Variants in LARGE1 observed in about 807,000 individuals in gnomAD.
LARGE1 encodes xylosyl- and glucuronyltransferase LARGE1.
LARGE1 carries 43 observed loss-of-function variants against 87.6 expected under a neutral mutation model. That is an observed-to-expected ratio of 0.49 (90% confidence interval 0.38 to 0.63). The LOEUF is 0.63. Among genes scored for constraint, LARGE1 ranks in the 30% least tolerant of loss-of-function variants. The pLI, the probability that LARGE1 is intolerant of heterozygous loss-of-function variation, is 0.00. For missense variants in LARGE1, 802 were observed against 1,000.2 expected (o/e 0.80, Z 2.67); for synonymous variants, 434 against 394.6 (o/e 1.10, Z -1.18).
intron 6 of LARGE1, among the ~76,000 whole-genome samples, chr22:33,517,283 T>C (rs1169712541): frequency 6.6e-6 from 1 of 152,120 alleles, no homozygotes. Flanking sequence ...CACACCCCTC[T>C]CTGTCCCATC....
At chr22:33,718,893 C>T (rs367672700) in intron 2 of LARGE1, among the ~76,000 whole-genome samples, 12 of 152,268 alleles carry the variant, frequency 7.9e-5, no homozygotes, top group South Asian at 6.2e-4. Context: ...CAGGTTCAAG[C>T]GATTCTCCTG....
the LARGE1 span, among the ~76,000 whole-genome samples, chr22:33,071,958 C>T: frequency 1.3e-5 from 2 of 152,182 alleles, no homozygotes; most frequent in African/African-American, 2.4e-5. Context: ...TACTACCCGG[C>T]CGTTTCTGAT....
intron 11 of LARGE1, among the ~76,000 whole-genome samples, chr22:33,195,529 C>T (rs73881991): frequency 0.03 from 4,590 of 151,750 alleles, 95 homozygotes; most frequent in Admixed American, 0.057. Context: ...AAAAGGGTAA[C>T]TAAGAAAACC....
At chr22:33,389,337 C>CT (rs1569119511) in intron 7 of LARGE1, among the ~76,000 whole-genome samples, 7 of 152,218 alleles carry the variant, frequency 4.6e-5, no homozygotes, top group Non-Finnish European at 1.0e-4. Flanking sequence ...ATTCTTAAAA[C>CT]CCACTGGGAG....
At chr22:33,146,817 T>C in the LARGE1 span, among the ~76,000 whole-genome samples, 3 of 152,152 alleles carry the variant, frequency 2.0e-5, no homozygotes, top group African/African-American at 7.2e-5. Flanking sequence ...TACTTACACA[T>C]ACAAGCATGG....
intron 2 of LARGE1, among the ~76,000 whole-genome samples, chr22:33,684,055 T>C (rs548417161): frequency 6.6e-6 from 1 of 152,308 alleles, no homozygotes; most frequent in South Asian, 2.1e-4. Context: ...TAAACCATTC[T>C]GAGATACTAA....
chr22:33,612,769 A>G (rs979229359), intron 4 of LARGE1, among the ~76,000 whole-genome samples: 1 of 152,260 alleles, frequency 6.6e-6, no homozygotes, highest in Non-Finnish European at 1.5e-5. Context: ...AGAAACAGCC[A>G]GACAAGGTTT....
intron 1 of LARGE1, among the ~76,000 whole-genome samples, chr22:33,913,309 G>A (rs1290606886): frequency 2.0e-5 from 3 of 152,212 alleles, no homozygotes; most frequent in African/African-American, 7.2e-5. Flanking sequence ...ATGTGCGGGT[G>A]GTTAAGGAAC....
chr22:33,913,220 A>G (rs2065688334), intron 1 of LARGE1, among the ~76,000 whole-genome samples: 1 of 152,246 alleles, frequency 6.6e-6, no homozygotes, highest in African/African-American at 2.4e-5. Context: ...CTGCAATTAT[A>G]AAAACTCAGA....
intron 2 of LARGE1, among the ~76,000 whole-genome samples, chr22:33,676,081 G>A (rs1348951270): frequency 6.6e-6 from 1 of 151,742 alleles, no homozygotes; most frequent in South Asian, 2.1e-4. Context: ...AGCACTAGCA[G>A]TACAAGTTGT....
chr22:33,098,068 A>G, the LARGE1 span, among the ~76,000 whole-genome samples: 1 of 152,224 alleles, frequency 6.6e-6, no homozygotes, highest in Admixed American at 6.5e-5. Context: ...ACAATTTGGG[A>G]GGCCAAGGCA....
chr22:33,166,750 A>T (rs772173500), exon 12 of LARGE1: 15 of 471,278 alleles, frequency 3.2e-5, no homozygotes. Context: ...AAGGAAGCCA[A>T]CGCCGAGGAC....
At chr22:33,103,770 T>C in the LARGE1 span, among the ~76,000 whole-genome samples, 4 of 152,346 alleles carry the variant, frequency 2.6e-5, no homozygotes, top group African/African-American at 9.6e-5. Context: ...CCAAATCTCA[T>C]CATGAATTGT....
rs533904822 is a variant in LARGE1 at position 33,279,713 on chromosome 22, A to T, written c.1878-2458T>A. 2.4e-3 allele frequency among the ~76,000 whole-genome samples: 366 copies of T among 152,364 alleles called. 3 individuals are homozygous for T. The highest frequency in any genetic ancestry group is 8.3e-3 in the African/African-American group (346 of 41,592). ...ATGCCATTTTCATGGAGTGTGGAAA[A>T]GGGATATTGCGGGAGATGTCAATTT... On this transcript the variant is annotated intron_variant, in intron 13 of 14. Coordinates refer to ENST00000397394, the MANE Select transcript of LARGE1 (RefSeq NM_133642.5).
intron 11 of LARGE1, among the ~76,000 whole-genome samples, chr22:33,247,735 G>A (rs376750599): frequency 6.6e-6 from 1 of 152,158 alleles, no homozygotes; most frequent in Non-Finnish European, 1.5e-5. Context: ...TTCCAATATT[G>A]ATGGGATAAA....
In LARGE1 at chr22:33,856,229, C is replaced by T. The variant is rs2063751600; in HGVS notation, c.-83+63766G>A. ...AACTGTGGCCATACCCGGACCAGTT[C>T]TCAGGGGGCCATGCTCCTCTGGAAA... On this transcript the variant is annotated intron_variant, in intron 1 of 14. Coordinates refer to ENST00000397394, the MANE Select transcript of LARGE1 (RefSeq NM_133642.5). Among the ~76,000 whole-genome samples, 2 of 152,172 alleles carry T rather than the reference C, an allele frequency of 1.3e-5. 1 individual carries two copies. The highest frequency in any genetic ancestry group is 4.1e-4 in the South Asian group (2 of 4,830).
rs146217691 is a variant in LARGE1, at chr22:33,540,565, A to C, written c.787+24283T>G. Among the ~76,000 whole-genome samples the C allele has an allele frequency of 2.4e-4, 37 of 152,288 alleles. 1 individual carries two copies. The highest frequency in any genetic ancestry group is 6.8e-3 in the Middle Eastern group (2 of 294). On this transcript the variant is annotated intron_variant, in intron 6 of 14. Transcript: ENST00000397394. ...CCCTGCCCCACTGCCCCCATGGCAA[A>C]ACAACCAAGACACAGTGTCTCTTTT...
At chr22:33,198,970 T>C (rs183320262) in intron 11 of LARGE1, among the ~76,000 whole-genome samples, 104 of 152,294 alleles carry the variant, frequency 6.8e-4, no homozygotes, top group African/African-American at 2.4e-3. Context: ...CAACAGTGTA[T>C]AAATATTCCC....
chr22:33,647,276 G>A (rs1247902390), intron 3 of LARGE1, among the ~76,000 whole-genome samples: 1 of 152,198 alleles, frequency 6.6e-6, no homozygotes, highest in Non-Finnish European at 1.5e-5. Flanking sequence ...GAAAAACATG[G>A]CTTCCTTGAG....
Sources: gnomAD v4.1 joint callset for allele counts (sites outside exome capture counted in the v4.1 genomes callset) on GRCh38, gnomAD v4.1.1 for gene constraint, MANE v1.5 for transcripts, NCBI Gene and HGNC (gene_info 2026-07-23, HGNC 2026-07-21) for gene names.